The following REPS2 variants were observed in gnomAD, a reference collection of about 807,000 sequenced individuals.
REPS2 encodes ralBP1-associated Eps domain-containing protein 2.
In REPS2, 23 loss-of-function variants were observed where a neutral mutation model predicts 53.6. The observed-to-expected ratio is 0.43, with a 90% CI of 0.31 to 0.61. The LOEUF (loss-of-function observed/expected upper bound fraction) is 0.61, where lower values mean the gene tolerates loss of function less well. REPS2 is among the 20% of genes least tolerant of loss of function. The pLI, the probability that REPS2 is intolerant of heterozygous loss-of-function variation, is 0.11. For missense variants in REPS2, 446 were observed against 534.9 expected (o/e 0.83, Z 1.64); for synonymous variants, 238 against 218.6 (o/e 1.09, Z -0.78).
intron 8 of REPS2, 37 bp downstream of exon 8, chrX:17,054,987 T>C: frequency 3.4e-6 from 4 of 1,180,084 alleles, no homozygotes; most frequent in Non-Finnish European, 4.6e-6. Flanking sequence ...CTTAAGTACT[T>C]TTCCTCCAGG....
chrX:17,145,970 G>A (rs1030774278), intron 17 of REPS2, among the ~76,000 whole-genome samples: 6 of 109,708 alleles, frequency 5.5e-5, no homozygotes, highest in Non-Finnish European at 9.5e-5. Flanking sequence ...TTAGCCGGGC[G>A]TGGTGGCGGG....
chrX:17,149,425 C>T lies in REPS2; in HGVS notation c.*1944C>T, dbSNP rs1252513458. ...GGTTCAAGCAATTCTTGTGCCTCAG[C>T]CTCCCGAGTAGCTGGGATTACAGGC... On this transcript the variant is annotated 3_prime_UTR_variant, in exon 18 of 18. Transcript: ENST00000357277. 8.5e-6 allele frequency: 1 copy of T among 117,544 alleles called. No individual in the cohort carries two copies. Among genetic ancestry groups the T allele is most frequent in the Non-Finnish European group, 1.8e-5 (1 of 56,944 alleles). 9.7% of individuals were successfully genotyped at this position (117,544 alleles called of 1,213,427 possible).
At chrX:17,128,076 C>G (rs903974067) in intron 14 of REPS2, among the ~76,000 whole-genome samples, 2 of 111,729 alleles carry the variant, frequency 1.8e-5, no homozygotes, top group African/African-American at 3.3e-5. Context: ...GAGGAGCATA[C>G]TAGAGTGCTT....
chrX:17,107,297 A>G (rs2062887507), intron 14 of REPS2, among the ~76,000 whole-genome samples: 1 of 112,238 alleles, frequency 8.9e-6, no homozygotes, highest in African/African-American at 3.2e-5. Context: ...TGAAGAAACA[A>G]TTCTGTTTCA....
At chrX:17,049,957 T>C (rs922521572) in intron 6 of REPS2, among the ~76,000 whole-genome samples, 4 of 106,688 alleles carry the variant, frequency 3.7e-5, no homozygotes, top group Non-Finnish European at 7.7e-5. Context: ...TCTACAGTAG[T>C]GTACAGTAAT....
intron 4 of REPS2, among the ~76,000 whole-genome samples, chrX:17,028,955 T>G (rs2061677528): frequency 8.9e-6 from 1 of 112,150 alleles, no homozygotes; most frequent in African/African-American, 3.2e-5. Flanking sequence ...CTTAAAAAGT[T>G]ATTTTAAAGG....
intron 1 of REPS2, among the ~76,000 whole-genome samples, chrX:16,971,346 T>C (rs1219085184): frequency 8.9e-6 from 1 of 112,549 alleles, no homozygotes; most frequent in Non-Finnish European, 1.9e-5. Context: ...GTTGTCTTTA[T>C]AAAATGTTGA....
chrX:17,152,714 TTTTTG>T lies in REPS2; in HGVS notation c.*5238_*5242del, dbSNP rs2063580887. On this transcript the variant is annotated 3_prime_UTR_variant, in exon 18 of 18. Coordinates refer to ENST00000357277, the MANE Select transcript of REPS2 (RefSeq NM_004726.3). ...AGATTGGATCAACTGAGTTGTGTTA[TTTTTG>T]TTTTAAGTCACCTTGTGCGAGAACC... The T allele has an allele frequency of 8.9e-6, 1 of 112,423 alleles. No individual in the cohort carries two copies. The highest frequency in any genetic ancestry group is 3.2e-5 in the African/African-American group (1 of 30,829). The allele number at this position is 112,423 out of a possible 1,213,427, so 9.3% of individuals were successfully genotyped here.
chrX:17,128,345 T>G (rs938537802), intron 14 of REPS2, among the ~76,000 whole-genome samples: 16 of 110,020 alleles, frequency 1.5e-4, no homozygotes, highest in Non-Finnish European at 3.0e-4. Context: ...TTAACCCTGT[T>G]TGAGACAGGG....
intron 13 of REPS2, among the ~76,000 whole-genome samples, chrX:17,081,347 A>C (rs1025038164): frequency 1.2e-4 from 14 of 112,144 alleles, no homozygotes; most frequent in Admixed American, 1.9e-4. Flanking sequence ...TGTTTATCCA[A>C]AGGAATAAGC....
At chrX:16,954,142 G>A (rs1386663287) in intron 1 of REPS2, among the ~76,000 whole-genome samples, 1 of 110,554 alleles carries the variant, frequency 9.0e-6, no homozygotes, top group Non-Finnish European at 1.9e-5. Context: ...AAAATTTGTT[G>A]TGGAGATGGT....
At chrX:16,974,569 C>T (rs755036949) in intron 1 of REPS2, among the ~76,000 whole-genome samples, 5 of 110,443 alleles carry the variant, frequency 4.5e-5, no homozygotes, top group African/African-American at 1.3e-4. Flanking sequence ...CGCTTGAACC[C>T]GGGAGGCAGA....
intron 14 of REPS2, among the ~76,000 whole-genome samples, chrX:17,123,636 G>A (rs2063170535): frequency 8.9e-6 from 1 of 112,385 alleles, no homozygotes. Flanking sequence ...CGAGGGGGGT[G>A]CCCACCAGAG....
intron 2 of REPS2, among the ~76,000 whole-genome samples, chrX:17,008,839 A>G (rs1039101385): frequency 2.7e-5 from 3 of 110,985 alleles, no homozygotes; most frequent in African/African-American, 6.6e-5. Context: ...GGATACCCTT[A>G]TGTCATGAAT....
At chrX:16,956,476 A>AT (rs999307530) in intron 1 of REPS2, among the ~76,000 whole-genome samples, 11 of 109,239 alleles carry the variant, frequency 1.0e-4, no homozygotes, top group African/African-American at 3.7e-4. Context: ...TAATTTTTGT[A>AT]TTTTTTGTAG....
chrX:17,121,328 G>A (rs989369343), intron 14 of REPS2, among the ~76,000 whole-genome samples: 4 of 112,236 alleles, frequency 3.6e-5, no homozygotes, highest in Middle Eastern at 4.6e-3. Flanking sequence ...TCCCCTGCGG[G>A]GTGGGGGAAA....
At chrX:17,187,505 G>C in the REPS2 span, among the ~76,000 whole-genome samples, 53 of 112,242 alleles carry the variant, frequency 4.7e-4, no homozygotes, top group African/African-American at 1.7e-3. Context: ...AGGAGAAGGG[G>C]CCAAAGAAAC....
At chrX:17,065,435 G>T (rs932269330) in intron 9 of REPS2, among the ~76,000 whole-genome samples, 1 of 112,071 alleles carries the variant, frequency 8.9e-6, no homozygotes, top group Non-Finnish European at 1.9e-5. Flanking sequence ...CAAGTGTCTC[G>T]TCCTTTGTCC....
chrX:17,087,136 A>G (rs1340768681), intron 13 of REPS2, among the ~76,000 whole-genome samples: 3 of 112,106 alleles, frequency 2.7e-5, no homozygotes, highest in African/African-American at 9.7e-5. Flanking sequence ...TTTACTTCTT[A>G]TGACTAGTTT....
Sources: gnomAD v4.1 joint callset for allele counts (sites outside exome capture counted in the v4.1 genomes callset) on GRCh38, gnomAD v4.1.1 for gene constraint, MANE v1.5 for transcripts, NCBI Gene and HGNC (gene_info 2026-07-23, HGNC 2026-07-21) for gene names.